TBL1XR1: variants seen among roughly 807,000 people sequenced by gnomAD.
TBL1XR1 encodes the protein F-box-like/WD repeat-containing protein TBL1XR1.
TBL1XR1 carries 5 observed loss-of-function variants against 66.9 expected under a neutral mutation model. That is an observed-to-expected ratio of 0.07 (90% CI 0.04 to 0.16). TBL1XR1 has a LOEUF of 0.16. Ranked by LOEUF, TBL1XR1 falls within the 10% of genes least tolerant of loss-of-function variation. TBL1XR1 has a pLI of 1.00. For missense variants in TBL1XR1, 238 were observed against 623.2 expected (o/e 0.38, Z 6.58); for synonymous variants, 210 against 206.0 (o/e 1.02, Z -0.17).
chr3:177,078,428 G>T (rs1458273236), intron 2 of TBL1XR1, among the ~76,000 whole-genome samples: 1 of 151,102 alleles, frequency 6.6e-6, no homozygotes, highest in African/African-American at 2.4e-5. Context: ...AAAAAATTTT[G>T]GTTTTAATTA....
At chr3:177,178,974 G>A (rs775642134) in intron 1 of TBL1XR1, among the ~76,000 whole-genome samples, 2 of 151,980 alleles carry the variant, frequency 1.3e-5, no homozygotes, top group East Asian at 3.9e-4. Flanking sequence ...AAAATTAGCC[G>A]GGTGTGGTGG....
intron 9 of TBL1XR1, among the ~76,000 whole-genome samples, chr3:177,046,759 A>G (rs574826903): frequency 2.6e-5 from 4 of 152,094 alleles, no homozygotes; most frequent in Non-Finnish European, 5.9e-5. Context: ...AGAGTGAACT[A>G]GCTTCTCTCC....
In TBL1XR1 at chr3:177,029,369, G is replaced by C. The variant is rs141795200; in HGVS notation, c.1417-2895C>G. ...TGATGCCTCATGCCTGTAATCCCAGGAATACTTTGGAAGGCTGAGGCAAGT... is the reference window on the plus strand; with the variant it reads ...TGATGCCTCATGCCTGTAATCCCAGCAATACTTTGGAAGGCTGAGGCAAGT... On this transcript the variant is annotated intron_variant, in intron 14 of 15. Coordinates refer to ENST00000457928, the MANE Select transcript of TBL1XR1 (RefSeq NM_024665.7). 5.2e-3 allele frequency among the ~76,000 whole-genome samples: 798 copies of C among 152,220 alleles called. 12 individuals carry two copies. The highest frequency in any genetic ancestry group is 0.019 in the African/African-American group (771 of 41,530).
intron 1 of TBL1XR1, among the ~76,000 whole-genome samples, chr3:177,105,146 G>T (rs551633209): frequency 3.3e-5 from 5 of 152,270 alleles, no homozygotes; most frequent in African/African-American, 1.2e-4. Context: ...ATGTATCTAT[G>T]ATTTTAAGTT....
At chr3:177,125,071 C>A (rs749862995) in intron 1 of TBL1XR1, among the ~76,000 whole-genome samples, 13 of 151,678 alleles carry the variant, frequency 8.6e-5, no homozygotes, top group Admixed American at 2.0e-4. Context: ...AAACAATAAA[C>A]TGAGATCATA....
chr3:177,060,006 C>G (rs1718305491), intron 3 of TBL1XR1, among the ~76,000 whole-genome samples: 1 of 152,128 alleles, frequency 6.6e-6, no homozygotes. Flanking sequence ...GGACTTACAC[C>G]AGTGGTTTAC....
At chr3:177,177,318 C>T (rs1734277037) in intron 1 of TBL1XR1, among the ~76,000 whole-genome samples, 1 of 151,924 alleles carries the variant, frequency 6.6e-6, no homozygotes, top group African/African-American at 2.4e-5. Context: ...GGTGTGGTGG[C>T]GTGCGCCCGT....
chr3:177,169,913 C>T (rs989133715), intron 1 of TBL1XR1, among the ~76,000 whole-genome samples: 1 of 152,172 alleles, frequency 6.6e-6, no homozygotes, highest in Non-Finnish European at 1.5e-5. Flanking sequence ...GCAGTATCAG[C>T]ATCACCTGGG....
intron 1 of TBL1XR1, among the ~76,000 whole-genome samples, chr3:177,100,279 A>C (rs902799944): frequency 2.6e-5 from 4 of 152,196 alleles, no homozygotes; most frequent in Non-Finnish European, 5.9e-5. Flanking sequence ...AAAGATAGAT[A>C]AATTATTTAT....
chr3:177,067,700 A>G (rs1719349635), intron 2 of TBL1XR1, among the ~76,000 whole-genome samples: 2 of 152,090 alleles, frequency 1.3e-5, no homozygotes, highest in Non-Finnish European at 2.9e-5. Context: ...CCGGCAATTA[A>G]GTTTTTTTTT....
intron 1 of TBL1XR1, among the ~76,000 whole-genome samples, chr3:177,178,263 A>T (rs1734391017): frequency 6.6e-6 from 1 of 152,212 alleles, no homozygotes; most frequent in Non-Finnish European, 1.5e-5. Context: ...ACTGAGTGTG[A>T]TCAAAAACCC....
intron 14 of TBL1XR1, 189 bp downstream of exon 14, chr3:177,032,782 A>G (rs1714192070): frequency 6.9e-6 from 3 of 436,860 alleles, no homozygotes; most frequent in Non-Finnish European, 1.2e-5. Flanking sequence ...AAAACAAATG[A>G]TCAAAATCCA....
intron 1 of TBL1XR1, among the ~76,000 whole-genome samples, chr3:177,175,678 C>G (rs1285559294): frequency 1.3e-5 from 2 of 152,130 alleles, no homozygotes; most frequent in African/African-American, 4.8e-5. Context: ...AACTGAAATC[C>G]AGAAACAAAT....
intron 1 of TBL1XR1, among the ~76,000 whole-genome samples, chr3:177,142,119 T>C (rs964806336): frequency 1.3e-5 from 2 of 152,100 alleles, no homozygotes; most frequent in South Asian, 4.1e-4. Flanking sequence ...TGGAGACTGA[T>C]TGTAGTGCAG....
chr3:177,157,349 T>C (rs1731641204), intron 1 of TBL1XR1, among the ~76,000 whole-genome samples: 1 of 152,250 alleles, frequency 6.6e-6, no homozygotes, highest in African/African-American at 2.4e-5. Flanking sequence ...AAGAAATGTG[T>C]GCATCTGACC....
chr3:177,123,723 A>C (rs1727262590), intron 1 of TBL1XR1, among the ~76,000 whole-genome samples: 1 of 152,056 alleles, frequency 6.6e-6, no homozygotes, highest in Non-Finnish European at 1.5e-5. Flanking sequence ...CCAAACCTTA[A>C]AACATATGAT....
chr3:177,069,793 A>AAAGGG (rs1719680199), intron 2 of TBL1XR1, among the ~76,000 whole-genome samples: 1 of 92,342 alleles, frequency 1.1e-5, no homozygotes, highest in Non-Finnish European at 2.1e-5. Context: ...AAAAGGAAGG[A>AAAGGG]AAGGAAGGAA....
At chr3:177,026,333 C>T (rs756826219) in intron 15 of TBL1XR1, 40 bp downstream of exon 15, 2 of 1,488,040 alleles carry the variant, frequency 1.3e-6, no homozygotes, top group African/African-American at 1.4e-5. Context: ...GATGTGAATA[C>T]CCACCCACAC....
At chr3:177,080,687 G>A (rs932328465) in intron 2 of TBL1XR1, among the ~76,000 whole-genome samples, 19 of 151,914 alleles carry the variant, frequency 1.3e-4, no homozygotes, top group African/African-American at 1.7e-4. Flanking sequence ...CCATGTTTAA[G>A]TTTTCTATAC....
Sources: allele counts gnomAD v4.1 joint callset (sites outside exome capture counted in the v4.1 genomes callset), GRCh38; gene constraint gnomAD v4.1.1; transcripts MANE v1.5; gene names NCBI Gene and HGNC (gene_info 2026-07-23, HGNC 2026-07-21).